Variants in NFKB1 observed in about 807,000 individuals in gnomAD.
The protein encoded by NFKB1 is nuclear factor kappa B subunit 1, also known as nuclear factor NF-kappa-B p105 subunit.
Under a neutral mutation model 105.1 loss-of-function variants are expected in NFKB1, and 9 were observed. The observed-to-expected ratio is 0.09, with a 90% CI of 0.05 to 0.15. NFKB1 has a LOEUF of 0.15. NFKB1 is among the 10% of genes least tolerant of loss of function. The pLI is 1.00. For missense variants in NFKB1, 830 were observed against 1,203.7 expected, an observed-to-expected ratio of 0.69 and a Z score of 4.59; for synonymous variants, 440 against 442.2, an observed-to-expected ratio of 1.00 and a Z score of 0.06.
intron 15 of NFKB1, among the ~76,000 whole-genome samples, chr4:102,598,903 CAGAG>C (rs151163018): frequency 2.0e-5 from 3 of 152,322 alleles, no homozygotes; most frequent in East Asian, 3.9e-4. Context: ...AGCCGGCTCT[CAGAG>C]AGGCCACAGA....
chr4:102,546,379 C>G (rs1025122902), intron 5 of NFKB1, among the ~76,000 whole-genome samples: 7 of 152,146 alleles, frequency 4.6e-5, no homozygotes, highest in Non-Finnish European at 1.0e-4. Flanking sequence ...GTGTGGCTCT[C>G]AAACCTTACT....
At position 102,514,510 on chromosome 4, in the gene NFKB1, A is replaced by G. The variant is rs1739997030; in HGVS notation, c.-7-11002A>G. Among the ~76,000 whole-genome samples the G allele has an allele frequency of 3.9e-5, 6 of 152,286 alleles. No homozygotes were observed. In the South Asian group the frequency reaches 1.2e-3, roughly 32 times the overall value. On this transcript the variant is annotated intron_variant, in intron 1 of 23. Transcript: ENST00000226574. ...CTAGAGGATGCATCCCTCACCAGAT[A>G]CCAAATGCTGGTGCCTTGATCTTGG...
chr4:102,584,629 A>C, intron 10 of NFKB1, 53 bp from the exon 11 acceptor site: 2 of 552,458 alleles, frequency 3.6e-6, no homozygotes, highest in South Asian at 8.0e-5. Context: ...CATTACTGCA[A>C]AAAAAAAAAA....
At chr4:102,604,391 T>G (rs542057464) in intron 16 of NFKB1, among the ~76,000 whole-genome samples, 1 of 152,084 alleles carries the variant, frequency 6.6e-6, no homozygotes, top group African/African-American at 2.4e-5. Context: ...TCACCCAGTT[T>G]CCCCCAATGG....
chr4:102,535,549 C>A (rs566316827), intron 4 of NFKB1, among the ~76,000 whole-genome samples: 1 of 152,144 alleles, frequency 6.6e-6, no homozygotes, highest in South Asian at 2.1e-4. Flanking sequence ...TGTAGCCTTG[C>A]CTTTGAGGTT....
intron 16 of NFKB1, among the ~76,000 whole-genome samples, chr4:102,604,851 G>T (rs1727550396): frequency 6.6e-6 from 1 of 151,796 alleles, no homozygotes; most frequent in African/African-American, 2.4e-5. Flanking sequence ...GAATGTCTGT[G>T]TAAGTCCCCA....
chr4:102,586,997 T>C (rs1725763321), intron 11 of NFKB1, among the ~76,000 whole-genome samples: 1 of 152,242 alleles, frequency 6.6e-6, no homozygotes, highest in Admixed American at 6.5e-5. Context: ...CTCCATTGTT[T>C]GGTCAGATTT....
chr4:102,524,673 C>T (rs1740788744), intron 1 of NFKB1, among the ~76,000 whole-genome samples: 2 of 152,124 alleles, frequency 1.3e-5, no homozygotes, highest in Admixed American at 1.3e-4. Context: ...CTGCTTTTCC[C>T]ACAACTAGAC....
chr4:102,561,275 T>G (rs796533873), intron 5 of NFKB1, among the ~76,000 whole-genome samples: 2,885 of 109,858 alleles, frequency 0.026, 75 homozygotes, highest in African/African-American at 0.096. Flanking sequence ...CTTTTTTTTT[T>G]TTTTTTTGTG....
intron 5 of NFKB1, among the ~76,000 whole-genome samples, chr4:102,549,880 T>C (rs1722438523): frequency 1.3e-5 from 2 of 152,142 alleles, no homozygotes; most frequent in Admixed American, 1.3e-4. Context: ...AACTAATTAT[T>C]CTTCAGCACC....
intron 1 of NFKB1, among the ~76,000 whole-genome samples, chr4:102,506,497 AATG>A (rs1739424904): frequency 6.6e-6 from 1 of 152,188 alleles, no homozygotes; most frequent in African/African-American, 2.4e-5. Flanking sequence ...TTCATACTTT[AATG>A]ATTTTTCCAA....
chr4:102,536,894 C>T (rs1177071265), intron 4 of NFKB1, among the ~76,000 whole-genome samples: 2 of 152,186 alleles, frequency 1.3e-5, no homozygotes, highest in Admixed American at 1.3e-4. Flanking sequence ...AAACTACTAA[C>T]ACTACCACAA....
chr4:102,616,290 C>T lies in NFKB1; in HGVS notation c.2750-144C>T, dbSNP rs4648142. On this transcript the variant is annotated intron_variant, in intron 23 of 23. Coordinates refer to ENST00000226574, the MANE Select transcript of NFKB1 (RefSeq NM_003998.4). ...CAAGTATCTTCTGCCCTTCCCACCA[C>T]GGTGAGCAGTCATGACAGTGAGGGT... The T allele has an allele frequency of 5.8e-3, 4,669 of 803,094 alleles. 137 individuals are homozygous for T. The Admixed American group carries it at 0.075, about 13-fold the overall frequency. 49.7% of individuals were successfully genotyped at this position (803,094 alleles called of 1,614,324 possible). A position where few individuals can be genotyped will look rare whatever the true frequency, so the allele number is the denominator to read the frequency against.
intron 3 of NFKB1, among the ~76,000 whole-genome samples, chr4:102,530,345 G>A (rs1741206774): frequency 6.6e-6 from 1 of 152,014 alleles, no homozygotes; most frequent in Non-Finnish European, 1.5e-5. Context: ...CATCTCATTA[G>A]AAAAATCATC....
Position 102,501,593 on chromosome 4 carries a change from G to A in NFKB1, c.-203G>A, listed in dbSNP as rs566927338. 1 of 147,254 alleles carries A rather than the reference G, an allele frequency of 6.8e-6. No homozygotes were observed. Among genetic ancestry groups the A allele is most frequent in the South Asian group, 2.1e-4 (1 of 4,832 alleles). 9.1% of individuals were successfully genotyped at this position (147,254 alleles called of 1,614,324 possible). On this transcript the variant is annotated 5_prime_UTR_variant, in exon 1 of 24. Coordinates refer to ENST00000226574, the MANE Select transcript of NFKB1 (RefSeq NM_003998.4). ...CACCGCGCGCCCTGCGCTTCCCTCCGCCCGCGCTGCGGCCATGGCGCGGCG... is the reference window on the plus strand; with the variant it reads ...CACCGCGCGCCCTGCGCTTCCCTCCACCCGCGCTGCGGCCATGGCGCGGCG...
intron 5 of NFKB1, among the ~76,000 whole-genome samples, chr4:102,549,729 T>C (rs1722430278): frequency 1.3e-5 from 2 of 152,128 alleles, no homozygotes; most frequent in African/African-American, 2.4e-5. Flanking sequence ...TAGCTTCCCC[T>C]TTCCGGAATG....
At chr4:102,571,354 A>G (rs192194809) in intron 6 of NFKB1, among the ~76,000 whole-genome samples, 111 of 152,332 alleles carry the variant, frequency 7.3e-4, no homozygotes, top group Non-Finnish European at 1.3e-3. Flanking sequence ...AAAGACTTAA[A>G]TGTTATATCT....
intron 1 of NFKB1, among the ~76,000 whole-genome samples, chr4:102,504,531 G>C (rs1739303397): frequency 6.6e-6 from 1 of 152,180 alleles, no homozygotes; most frequent in Non-Finnish European, 1.5e-5. Flanking sequence ...ATAGAAGTTA[G>C]TGCTAGAGGA....
chr4:102,502,739 G>T (rs1739171783), intron 1 of NFKB1, among the ~76,000 whole-genome samples: 1 of 152,108 alleles, frequency 6.6e-6, no homozygotes, highest in Admixed American at 6.5e-5. Flanking sequence ...AGATTGACAT[G>T]TTCATGGACT....
Sources: gnomAD v4.1 joint callset for allele counts (sites outside exome capture counted in the v4.1 genomes callset) on GRCh38, gnomAD v4.1.1 for gene constraint, MANE v1.5 for transcripts, NCBI Gene and HGNC (gene_info 2026-07-23, HGNC 2026-07-21) for gene names.